ATG7: variants seen among roughly 807,000 people sequenced by gnomAD.
ATG7 encodes ubiquitin-like modifier-activating enzyme ATG7.
In ATG7, 70 loss-of-function variants were observed where a neutral mutation model predicts 82.4. The observed-to-expected ratio is 0.85, with a 90% CI of 0.70 to 1.04. ATG7 has a LOEUF of 1.04. ATG7 is among the 50% of genes least tolerant of loss of function. The pLI, the probability that ATG7 is intolerant of heterozygous loss-of-function variation, is 0.00. For synonymous variants in ATG7, 287 were observed against 313.0 expected (o/e 0.92, Z 0.88); for missense variants, 792 against 864.3 (o/e 0.92, Z 1.05).
chr3:11,360,935 A>C, intron 16 of ATG7, 151 bp downstream of exon 16: 71 of 876,626 alleles, frequency 8.1e-5, no homozygotes, highest in Non-Finnish European at 1.0e-4. Flanking sequence ...GCATTATCTC[A>C]TTATGAACCT....
chr3:11,309,147 C>G, intron 7 of ATG7, 86 bp downstream of exon 7: 2 of 1,257,370 alleles, frequency 1.6e-6, no homozygotes, highest in Admixed American at 1.7e-5. Context: ...CTGCTCTTCT[C>G]TCCGAAGCTA....
intron 3 of ATG7, among the ~76,000 whole-genome samples, chr3:11,291,456 C>T (rs907423089): frequency 3.3e-5 from 5 of 152,068 alleles, no homozygotes; most frequent in African/African-American, 1.2e-4. Flanking sequence ...GCTAGCAGAC[C>T]CGGGTTATCA....
chr3:11,546,240 C>T (rs112434397), intron 20 of ATG7, among the ~76,000 whole-genome samples: 26,537 of 135,394 alleles, frequency 0.2, 2,654 homozygotes, highest in Middle Eastern at 0.34. Flanking sequence ...GGCGTAATCT[C>T]GGTTCACTGC....
At chr3:11,425,933 AT>A (rs1250570512) in intron 19 of ATG7, among the ~76,000 whole-genome samples, 2 of 152,172 alleles carry the variant, frequency 1.3e-5, no homozygotes, top group Admixed American at 6.5e-5. Flanking sequence ...TTTGTGTAAC[AT>A]TATGTTTGAA....
chr3:11,507,588 G>A (rs2091803792), intron 20 of ATG7, among the ~76,000 whole-genome samples: 1 of 152,280 alleles, frequency 6.6e-6, no homozygotes, highest in Non-Finnish European at 1.5e-5. Context: ...AATGTGGTTT[G>A]TTCCCTCCAT....
chr3:11,296,395 C>G (rs1339442032), intron 3 of ATG7, among the ~76,000 whole-genome samples: 4 of 152,152 alleles, frequency 2.6e-5, no homozygotes, highest in Non-Finnish European at 5.9e-5. Flanking sequence ...TTGAGTCCAC[C>G]AAGATACCAA....
chr3:11,489,424 A>T (rs1418395644), intron 20 of ATG7, among the ~76,000 whole-genome samples: 1 of 151,896 alleles, frequency 6.6e-6, no homozygotes, highest in African/African-American at 2.4e-5. Context: ...TCCTTTCAAA[A>T]AAACCAGCTC....
At chr3:11,320,391 AT>A (rs1426299473) in intron 9 of ATG7, among the ~76,000 whole-genome samples, 1 of 151,616 alleles carries the variant, frequency 6.6e-6, no homozygotes, top group African/African-American at 2.4e-5. Flanking sequence ...GGTCCAAGTG[AT>A]TCCTCCTGCC....
At chr3:11,322,223 A>G (rs1016486069) in intron 9 of ATG7, among the ~76,000 whole-genome samples, 2 of 36,290 alleles carry the variant, frequency 5.5e-5, no homozygotes, top group African/African-American at 3.6e-4. Context: ...ACACATACAC[A>G]TAACAAAACA....
At chr3:11,541,862 C>A (rs961863869) in intron 20 of ATG7, among the ~76,000 whole-genome samples, 3 of 152,240 alleles carry the variant, frequency 2.0e-5, no homozygotes, top group African/African-American at 7.2e-5. Context: ...CATTTCACAA[C>A]CTTCAGCATG....
At chr3:11,536,758 G>C (rs1045597829) in intron 20 of ATG7, among the ~76,000 whole-genome samples, 5 of 152,174 alleles carry the variant, frequency 3.3e-5, no homozygotes, top group African/African-American at 7.2e-5. Flanking sequence ...GGTCACCTAC[G>C]ATTCTGGGTC....
chr3:11,446,731 G>T (rs562012856), intron 20 of ATG7: 39 of 227,588 alleles, frequency 1.7e-4, no homozygotes, highest in African/African-American at 8.7e-4. Flanking sequence ...TCTAAATCCA[G>T]TCAAGGGGCT....
intron 20 of ATG7, among the ~76,000 whole-genome samples, chr3:11,479,812 C>T (rs1639236224): frequency 6.6e-6 from 1 of 152,182 alleles, no homozygotes; most frequent in African/African-American, 2.4e-5. Flanking sequence ...CACCAAATTG[C>T]CTGTATCTCT....
chr3:11,458,919 C>T lies in ATG7; in HGVS notation c.2079+31993C>T, dbSNP rs190542589. On this transcript the variant is annotated intron_variant, in intron 20 of 20. Coordinates refer to ENST00000693202, the MANE Select transcript of ATG7 (RefSeq NM_001349232.2). ...GCGGAGCATTAGATTCTCATAGGGG[C>T]GGGAACACAATTGTGAACTGTTCAT... Among the ~76,000 whole-genome samples, 15 of 152,158 alleles carry T rather than the reference C, an allele frequency of 9.9e-5. No individual in the cohort carries two copies. The East Asian group carries it at 1.4e-3, about 14-fold the overall frequency.
At chr3:11,308,828 C>A in intron 6 of ATG7, 156 bp from the exon 7 acceptor site, 2 of 687,326 alleles carry the variant, frequency 2.9e-6, no homozygotes, top group Non-Finnish European at 5.1e-6. Flanking sequence ...GTGAAGTCGG[C>A]AGAGTGAGGT....
At chr3:11,335,944 G>A (rs1034422214) in intron 11 of ATG7, among the ~76,000 whole-genome samples, 17 of 150,946 alleles carry the variant, frequency 1.1e-4, no homozygotes, top group East Asian at 9.8e-4. Flanking sequence ...TGATCCACCC[G>A]CCTCGGCCTC....
Position 11,364,851 on chromosome 3 carries a change from TG to T in ATG7, c.1875+120del. On this transcript the variant is annotated intron_variant, in intron 18 of 20. Coordinates refer to ENST00000693202, the MANE Select transcript of ATG7 (RefSeq NM_001349232.2). ...ATATCCACCCTACTTACCCTGCAGC[TG>T]GGATTTCAATGGGAGAGCTTTCTGA... The T allele has an allele frequency of 4.6e-6, 5 of 1,083,742 alleles. No homozygotes were observed. In the South Asian group the frequency reaches 7.4e-5, roughly 16 times the overall value. The allele number at this position is 1,083,742 out of a possible 1,614,324, so 67.1% of individuals were successfully genotyped here. A position where few individuals can be genotyped will look rare whatever the true frequency, so the allele number is the denominator to read the frequency against.
At chr3:11,415,024 T>C (rs2081245563) in intron 19 of ATG7, among the ~76,000 whole-genome samples, 1 of 152,238 alleles carries the variant, frequency 6.6e-6, no homozygotes, top group Non-Finnish European at 1.5e-5. Context: ...AGTGTCCTTA[T>C]ACAAACCGTG....
At chr3:11,531,156 G>A (rs1451579384) in intron 20 of ATG7, among the ~76,000 whole-genome samples, 1 of 152,168 alleles carries the variant, frequency 6.6e-6, no homozygotes, top group Non-Finnish European at 1.5e-5. Flanking sequence ...GCTGTCAGCA[G>A]TAGGTACAGA....
Sources: gnomAD v4.1 joint callset for allele counts (sites outside exome capture counted in the v4.1 genomes callset) on GRCh38, gnomAD v4.1.1 for gene constraint, MANE v1.5 for transcripts, NCBI Gene and HGNC (gene_info 2026-07-23, HGNC 2026-07-21) for gene names.